Variants in FGGY observed in about 807,000 individuals in gnomAD.
FGGY encodes FGGY carbohydrate kinase domain-containing protein.
FGGY carries 72 observed loss-of-function variants against 71.3 expected under a neutral mutation model. The observed-to-expected ratio is 1.01, with a 90% CI of 0.84 to 1.23. The LOEUF is 1.23. Among genes scored for constraint, FGGY ranks in the 50% most tolerant of loss-of-function variants. FGGY has a pLI of 0.00. For synonymous variants in FGGY, 251 were observed against 250.3 expected, an observed-to-expected ratio of 1.00 and a Z score of -0.02; for missense variants, 668 against 682.3, an observed-to-expected ratio of 0.98 and a Z score of 0.23.
At chr1:59,557,063 T>C (rs1301944983) in intron 8 of FGGY, among the ~76,000 whole-genome samples, 1 of 152,090 alleles carries the variant, frequency 6.6e-6, no homozygotes, top group Non-Finnish European at 1.5e-5. Context: ...CATGGGAAAG[T>C]GCCTTTGATC....
chr1:59,528,500 C>G (rs983984465), intron 7 of FGGY, among the ~76,000 whole-genome samples: 2 of 152,200 alleles, frequency 1.3e-5, no homozygotes, highest in African/African-American at 2.4e-5. Context: ...AGATGATTTT[C>G]TTCTAATGTT....
chr1:59,425,679 C>T (rs2066237198), intron 5 of FGGY, among the ~76,000 whole-genome samples: 1 of 152,166 alleles, frequency 6.6e-6, no homozygotes. Flanking sequence ...TTTACTTTGT[C>T]GTGTACCATC....
At chr1:59,614,457 G>A (rs191071210) in intron 9 of FGGY, among the ~76,000 whole-genome samples, 9 of 152,228 alleles carry the variant, frequency 5.9e-5, no homozygotes, top group African/African-American at 2.2e-4. Flanking sequence ...AACCCCTCAT[G>A]CTAAAAACTC....
intron 14 of FGGY, among the ~76,000 whole-genome samples, chr1:59,757,425 A>G (rs1006882454): frequency 2.6e-5 from 4 of 152,232 alleles, no homozygotes; most frequent in African/African-American, 9.6e-5. Context: ...ATGTACTCAC[A>G]ACTTCAGAGA....
At chr1:59,725,335 C>G (rs1193162166) in intron 14 of FGGY, among the ~76,000 whole-genome samples, 1 of 152,076 alleles carries the variant, frequency 6.6e-6, no homozygotes, top group African/African-American at 2.4e-5. Context: ...ATCTATTTGT[C>G]TTTTCTTTCC....
chr1:59,472,311 C>A (rs533479917), intron 6 of FGGY, among the ~76,000 whole-genome samples: 1 of 152,246 alleles, frequency 6.6e-6, no homozygotes, highest in Admixed American at 6.5e-5. Flanking sequence ...GGGGCCTTAG[C>A]TGCCTTCCCG....
chr1:59,316,104 C>T (rs2045410332), intron 1 of FGGY: 1 of 152,184 alleles, frequency 6.6e-6, no homozygotes, highest in Non-Finnish European at 1.5e-5. Context: ...CTGAGGTGGG[C>T]AAGCTTAACT....
chr1:59,600,635 C>G (rs2096568227), intron 8 of FGGY, among the ~76,000 whole-genome samples: 1 of 152,216 alleles, frequency 6.6e-6, no homozygotes, highest in Admixed American at 6.5e-5. Context: ...ATTAAGCCAT[C>G]TGTGGCTTAA....
At chr1:59,466,410 A>T (rs1160191767) in intron 6 of FGGY, among the ~76,000 whole-genome samples, 2 of 152,208 alleles carry the variant, frequency 1.3e-5, no homozygotes, top group African/African-American at 4.8e-5. Flanking sequence ...CCCTAGAAGA[A>T]AACCTAGGCA....
intron 6 of FGGY, among the ~76,000 whole-genome samples, chr1:59,499,152 G>A (rs1252830761): frequency 2.0e-5 from 3 of 152,012 alleles, no homozygotes; most frequent in Admixed American, 6.6e-5. Flanking sequence ...GCTGTTGCAT[G>A]TATCACCCCT....
rs1162650839 is a variant in FGGY, at chr1:59,300,366, A to G, written c.-15+3216A>G. Reference sequence around the variant, plus strand: ...TATTTTCTTTTTATTGAGCTTTGAGAATTCTTTATTCTTATCATAAGTTCT... The same window carrying G: ...TATTTTCTTTTTATTGAGCTTTGAGGATTCTTTATTCTTATCATAAGTTCT... On this transcript the variant is annotated intron_variant, in intron 1 of 15. Transcript: ENST00000303721. Among the ~76,000 whole-genome samples the G allele has an allele frequency of 2.0e-5, 3 of 152,026 alleles. No homozygotes were observed. In the East Asian group the frequency reaches 5.8e-4, roughly 29 times the overall value.
At chr1:59,641,293 A>G (rs963898571) in intron 11 of FGGY, 22 of 1,609,456 alleles carry the variant, frequency 1.4e-5, no homozygotes, top group Non-Finnish European at 1.7e-5. Context: ...ACCACTGGAT[A>G]TCTGTATATT....
At chr1:59,546,595 T>C (rs2095529454) in intron 7 of FGGY, among the ~76,000 whole-genome samples, 1 of 151,946 alleles carries the variant, frequency 6.6e-6, no homozygotes, top group Admixed American at 6.6e-5. Flanking sequence ...AATGGCGCGA[T>C]CTCGGCTCAC....
At chr1:59,572,271 G>A (rs565187137) in intron 8 of FGGY, among the ~76,000 whole-genome samples, 47 of 152,256 alleles carry the variant, frequency 3.1e-4, no homozygotes, top group African/African-American at 1.1e-3. Flanking sequence ...AGAGCCTGAC[G>A]GGGAGGGAGT....
upstream of FGGY, chr1:59,296,753 C>A (rs985122778): frequency 5.4e-5 from 8 of 147,518 alleles, no homozygotes; most frequent in African/African-American, 2.0e-4. Flanking sequence ...TTACAGGGGC[C>A]GCGCTTTACA....
chr1:59,414,673 G>T (rs1483508693), intron 5 of FGGY, among the ~76,000 whole-genome samples: 1 of 151,822 alleles, frequency 6.6e-6, no homozygotes, highest in African/African-American at 2.4e-5. Context: ...CTAAAGTGGG[G>T]CTGGTACTCT....
At chr1:59,354,677 G>A (rs1017091781) in intron 4 of FGGY, among the ~76,000 whole-genome samples, 12 of 152,192 alleles carry the variant, frequency 7.9e-5, no homozygotes, top group African/African-American at 2.7e-4. Context: ...CTGTGTGAGA[G>A]GCACTTTGCT....
intron 8 of FGGY, among the ~76,000 whole-genome samples, chr1:59,558,725 G>GT (rs2095735020): frequency 6.6e-6 from 1 of 152,052 alleles, no homozygotes; most frequent in Non-Finnish European, 1.5e-5. Flanking sequence ...ACCAGGGTGG[G>GT]TTTTTTCCCC....
chr1:59,466,984 C>T (rs2092670890), intron 6 of FGGY, among the ~76,000 whole-genome samples: 1 of 152,092 alleles, frequency 6.6e-6, no homozygotes, highest in Admixed American at 6.5e-5. Context: ...CCATTTGACC[C>T]AGCGATTCCA....
Sources: allele counts gnomAD v4.1 joint callset (sites outside exome capture counted in the v4.1 genomes callset), GRCh38; gene constraint gnomAD v4.1.1; transcripts MANE v1.5; gene names NCBI Gene and HGNC (gene_info 2026-07-23, HGNC 2026-07-21).